Variants in STAG1 observed in about 807,000 individuals in gnomAD.
STAG1 encodes the protein STAG1 cohesin complex component.
STAG1 carries 26 observed loss-of-function variants against 170.9 expected under a neutral mutation model. That is an observed-to-expected ratio of 0.15 (90% CI 0.11 to 0.21). STAG1 has a LOEUF of 0.21. Among genes scored for constraint, STAG1 ranks in the 10% least tolerant of loss-of-function variants. The pLI is 1.00. For synonymous variants in STAG1, 514 were observed against 497.7 expected (o/e 1.03, Z -0.44); for missense variants, 964 against 1,509.5 (o/e 0.64, Z 5.99).
intron 22 of STAG1, among the ~76,000 whole-genome samples, chr3:136,386,911 T>C (rs763789264): frequency 1.3e-5 from 2 of 152,138 alleles, no homozygotes; most frequent in South Asian, 2.1e-4. Context: ...CTGACAAATA[T>C]AGATTTTTGG....
intron 9 of STAG1, among the ~76,000 whole-genome samples, chr3:136,478,383 T>G (rs1023835590): frequency 6.6e-6 from 1 of 152,196 alleles, no homozygotes; most frequent in Admixed American, 6.5e-5. Flanking sequence ...TCTCTGTGAA[T>G]TGTAAACAAA....
At chr3:136,415,310 T>C (rs1338398310) in intron 21 of STAG1, among the ~76,000 whole-genome samples, 1 of 75,756 alleles carries the variant, frequency 1.3e-5, no homozygotes, top group Admixed American at 1.4e-4. Flanking sequence ...AATTGGTTAT[T>C]ATAAAAAAAA....
intron 3 of STAG1, among the ~76,000 whole-genome samples, chr3:136,614,568 A>C (rs756838756): frequency 6.6e-6 from 1 of 152,248 alleles, no homozygotes; most frequent in Non-Finnish European, 1.5e-5. Flanking sequence ...CTGTTCCTAT[A>C]TAAAAATGAT....
rs569898425 is a variant in STAG1, at chr3:136,594,768, G to A, written c.297+9541C>T. On this transcript the variant is annotated intron_variant, in intron 4 of 33. Coordinates refer to ENST00000383202, the MANE Select transcript of STAG1 (RefSeq NM_005862.3). The stretch of plus-strand genomic sequence containing the variant: ...TGGAATTTTTGTTGAATGAATAAAC[G>A]ACAGTCCGACTTTTTTTTTGAGACA... 4.6e-5 allele frequency among the ~76,000 whole-genome samples: 7 copies of A among 152,194 alleles called. No homozygotes were observed. The South Asian group carries it at 6.2e-4, about 14-fold the overall frequency.
intron 13 of STAG1, among the ~76,000 whole-genome samples, chr3:136,457,322 C>G (rs2089142429): frequency 6.6e-6 from 1 of 152,088 alleles, no homozygotes; most frequent in Non-Finnish European, 1.5e-5. Flanking sequence ...TAAACATGTT[C>G]TCCATTATCT....
chr3:136,713,465 C>T (rs1943437589), intron 1 of STAG1, among the ~76,000 whole-genome samples: 1 of 152,002 alleles, frequency 6.6e-6, no homozygotes, highest in African/African-American at 2.4e-5. Flanking sequence ...TACCTGTAAT[C>T]CCAGCTACTC....
chr3:136,371,864 TTAAAG>T (rs1365156824), intron 23 of STAG1, among the ~76,000 whole-genome samples: 4 of 152,216 alleles, frequency 2.6e-5, no homozygotes, highest in Non-Finnish European at 5.9e-5. Context: ...CATGTGAACT[TTAAAG>T]TAGTTTTTTC....
At chr3:136,495,105 G>GT (rs1933011354) in intron 9 of STAG1, among the ~76,000 whole-genome samples, 1 of 152,208 alleles carries the variant, frequency 6.6e-6, no homozygotes. Context: ...TGGTATCAGT[G>GT]TAAGGATAGA....
chr3:136,454,850 A>G (rs2089059813), intron 13 of STAG1, among the ~76,000 whole-genome samples: 1 of 152,218 alleles, frequency 6.6e-6, no homozygotes, highest in African/African-American at 2.4e-5. Flanking sequence ...GCTTATGACT[A>G]GACTACAAGA....
intron 5 of STAG1, among the ~76,000 whole-genome samples, chr3:136,552,968 C>A (rs1210056100): frequency 6.6e-6 from 1 of 151,806 alleles, no homozygotes; most frequent in Admixed American, 6.6e-5. Context: ...ACAAAATACA[C>A]CAAGAAGAAA....
rs2107712652 is a variant in STAG1 at position 136,411,990 on chromosome 3, T to C, written c.2196+5895A>G. Among the ~76,000 whole-genome samples, 3 of 151,882 alleles carry C rather than the reference T, an allele frequency of 2.0e-5. No homozygotes were observed. In the South Asian group the frequency reaches 6.2e-4, roughly 32 times the overall value. On this transcript the variant is annotated intron_variant, in intron 21 of 33. Transcript: ENST00000383202. The stretch of plus-strand genomic sequence containing the variant: ...TTAGTAGAGAGAGCATTTTGCCATA[T>C]TGGCCTGGGTGACAGAACGAGACTT...
At chr3:136,375,650 T>G (rs892280562) in intron 23 of STAG1, among the ~76,000 whole-genome samples, 1 of 152,074 alleles carries the variant, frequency 6.6e-6, no homozygotes, top group East Asian at 1.9e-4. Flanking sequence ...GCAGGTCTGA[T>G]GCAGAAACAC....
intron 22 of STAG1, among the ~76,000 whole-genome samples, chr3:136,381,251 C>G (rs1228745724): frequency 6.6e-6 from 1 of 151,550 alleles, no homozygotes; most frequent in East Asian, 1.9e-4. Flanking sequence ...TGAGACTGCT[C>G]AAGGAGAATA....
chr3:136,463,786 CACACATAT>C (rs1270553627), intron 13 of STAG1, among the ~76,000 whole-genome samples: 25 of 132,598 alleles, frequency 1.9e-4, no homozygotes, highest in South Asian at 4.8e-4. Flanking sequence ...CACACACACA[CACACATAT>C]ACATATACAT....
intron 1 of STAG1, among the ~76,000 whole-genome samples, chr3:136,665,763 G>A (rs1941742849): frequency 1.6e-5 from 2 of 123,306 alleles, no homozygotes; most frequent in South Asian, 2.8e-4. Flanking sequence ...CTGGGCAACA[G>A]AGCAAGATTC....
At chr3:136,421,721 C>T (rs768921925) in intron 19 of STAG1, among the ~76,000 whole-genome samples, 2 of 152,090 alleles carry the variant, frequency 1.3e-5, no homozygotes, top group Non-Finnish European at 2.9e-5. Context: ...TTGGGCATAC[C>T]ATTGATAAGC....
intron 1 of STAG1, among the ~76,000 whole-genome samples, chr3:136,654,699 T>C (rs184742369): frequency 4.6e-5 from 7 of 152,322 alleles, no homozygotes; most frequent in African/African-American, 1.7e-4. Context: ...AGGAACAAGA[T>C]ACTGAATCTT....
At chr3:136,723,606 TGGG>T (rs1933449973) in intron 1 of STAG1, among the ~76,000 whole-genome samples, 4 of 139,212 alleles carry the variant, frequency 2.9e-5, no homozygotes, top group Admixed American at 2.1e-4. Context: ...AGGAGGGAGG[TGGG>T]GGGATCAGCC....
intron 1 of STAG1, among the ~76,000 whole-genome samples, chr3:136,690,843 T>C (rs1384975010): frequency 1.3e-5 from 2 of 151,786 alleles, no homozygotes; most frequent in East Asian, 1.9e-4. Context: ...ACCATGATAA[T>C]TTCTTTGGTG....
Sources: allele counts gnomAD v4.1 joint callset (sites outside exome capture counted in the v4.1 genomes callset), GRCh38; gene constraint gnomAD v4.1.1; transcripts MANE v1.5; gene names NCBI Gene and HGNC (gene_info 2026-07-23, HGNC 2026-07-21).